Variants in LPP observed in about 807,000 individuals in gnomAD.
LPP encodes the protein lipoma-preferred partner.
In LPP, 38 loss-of-function variants were observed where a neutral mutation model predicts 60.4. That is an observed-to-expected ratio of 0.63 (90% confidence interval 0.49 to 0.83). The LOEUF (loss-of-function observed/expected upper bound fraction) is 0.83. Among genes scored for constraint, LPP ranks in the 40% least tolerant of loss-of-function variants. The probability of loss-of-function intolerance (pLI) is 0.00; values close to 1 mark genes in which losing one functional copy is unlikely to be tolerated. For missense variants in LPP, 902 were observed against 783.6 expected (o/e 1.15, Z -1.80); for synonymous variants, 328 against 290.8 (o/e 1.13, Z -1.30).
rs960933851 is a variant in LPP, at chr3:188,878,220, C to T, written c.*3741C>T. 1 of 216,802 alleles carries T rather than the reference C, an allele frequency of 4.6e-6. No homozygotes were observed. The highest frequency in any genetic ancestry group is 2.3e-5 in the African/African-American group (1 of 44,328). The allele number at this position is 216,802 out of a possible 1,614,324, so 13.4% of individuals were successfully genotyped here. On this transcript the variant is annotated 3_prime_UTR_variant, in exon 12 of 12. Coordinates refer to ENST00000617246, the MANE Select transcript of LPP (RefSeq NM_001375462.1). ...TCTATTGGATATGGTTTGGGCTTCT[C>T]TTGTCAAATCTGTGTCGGCTGCCCC...
At chr3:188,159,914 T>C (rs9850450) in intron 1 of LPP, among the ~76,000 whole-genome samples, 5 of 149,948 alleles carry the variant, frequency 3.3e-5, no homozygotes, top group African/African-American at 1.2e-4. Context: ...TGTTTGTTTG[T>C]TTGGTTTGTT....
intron 7 of LPP, among the ~76,000 whole-genome samples, chr3:188,658,150 A>AGTTTAGTTTAGTTTAGTTTAGTTTG (rs1240034595): frequency 5.3e-5 from 8 of 151,940 alleles, no homozygotes; most frequent in African/African-American, 1.9e-4. Flanking sequence ...AGTTTAGTTT[A>AGTTTAGTTTAGTTTAGTTTAGTTTG]GTTTAGTTTT....
intron 4 of LPP, among the ~76,000 whole-genome samples, chr3:188,469,867 C>T (rs1380197369): frequency 1.3e-5 from 2 of 152,066 alleles, no homozygotes; most frequent in African/African-American, 4.8e-5. Flanking sequence ...AATAATCTCA[C>T]AGTAAAAATA....
intron 10 of LPP, among the ~76,000 whole-genome samples, chr3:188,871,450 T>C (rs527966871): frequency 6.6e-6 from 1 of 152,358 alleles, no homozygotes; most frequent in East Asian, 1.9e-4. Context: ...TTTATTTAGA[T>C]TGCAGCCATA....
At chr3:188,157,310 A>G (rs1369302303) in intron 1 of LPP, among the ~76,000 whole-genome samples, 4 of 152,054 alleles carry the variant, frequency 2.6e-5, no homozygotes, top group African/African-American at 9.7e-5. Flanking sequence ...GATGTGTTCA[A>G]AATTACAACC....
At chr3:188,511,159 C>G (rs1392071405) in intron 5 of LPP, among the ~76,000 whole-genome samples, 2 of 130,074 alleles carry the variant, frequency 1.5e-5, no homozygotes, top group African/African-American at 5.9e-5. Flanking sequence ...CTGCCTCCCT[C>G]CCTCCCTCCT....
chr3:188,464,791 TTGAA>T (rs973860571), intron 4 of LPP, among the ~76,000 whole-genome samples: 1 of 151,984 alleles, frequency 6.6e-6, no homozygotes, highest in African/African-American at 2.4e-5. Flanking sequence ...CTGCAGGTGT[TTGAA>T]TGAATTGTTG....
chr3:188,721,874 A>G (rs1288668216), intron 8 of LPP, among the ~76,000 whole-genome samples: 6 of 152,134 alleles, frequency 3.9e-5, no homozygotes, highest in South Asian at 2.1e-4. Flanking sequence ...TTTCTCTTCC[A>G]TAGGTCTCAT....
intron 1 of LPP, among the ~76,000 whole-genome samples, chr3:188,177,215 C>T (rs771634200): frequency 1.5e-4 from 23 of 152,108 alleles, no homozygotes; most frequent in Admixed American, 3.9e-4. Flanking sequence ...GCGAGGGGAT[C>T]GCCTGCAATC....
intron 2 of LPP, among the ~76,000 whole-genome samples, chr3:188,276,641 T>G (rs563144523): frequency 3.4e-4 from 51 of 151,614 alleles, no homozygotes; most frequent in Admixed American, 7.9e-4. Flanking sequence ...CATTTAAAAG[T>G]GTGTGGCACC....
At chr3:188,456,419 G>A (rs1025776423) in intron 4 of LPP, among the ~76,000 whole-genome samples, 3 of 152,180 alleles carry the variant, frequency 2.0e-5, no homozygotes, top group East Asian at 1.9e-4. Flanking sequence ...CATAGAGAGC[G>A]ATAACGTTAT....
chr3:188,708,182 A>G, intron 7 of LPP, 85 bp from the exon 8 acceptor site: 1 of 1,494,990 alleles, frequency 6.7e-7, no homozygotes, highest in Non-Finnish European at 9.1e-7. Context: ...TTTCCTCTCC[A>G]GTGCAATCGC....
chr3:188,676,523 T>C (rs1001394346), intron 7 of LPP, among the ~76,000 whole-genome samples: 2 of 152,242 alleles, frequency 1.3e-5, no homozygotes, highest in African/African-American at 4.8e-5. Context: ...AACAGTTTTC[T>C]TCGTTCTTTG....
chr3:188,207,831 C>T (rs537052931), intron 1 of LPP, among the ~76,000 whole-genome samples: 2 of 152,118 alleles, frequency 1.3e-5, no homozygotes, highest in South Asian at 4.1e-4. Context: ...TAATTCCTAG[C>T]CCAAAAGTCT....
At chr3:188,778,340 A>G (rs1738488917) in intron 9 of LPP, among the ~76,000 whole-genome samples, 1 of 152,180 alleles carries the variant, frequency 6.6e-6, no homozygotes, top group Admixed American at 6.5e-5. Context: ...CAGCTCATTT[A>G]TATACAGTTC....
At chr3:188,680,019 A>G (rs1160505319) in intron 7 of LPP, among the ~76,000 whole-genome samples, 1 of 152,200 alleles carries the variant, frequency 6.6e-6, no homozygotes, top group Non-Finnish European at 1.5e-5. Flanking sequence ...CATTAGAATC[A>G]TTGGTGAATA....
At chr3:188,414,476 G>A (rs1169694243) in intron 4 of LPP, among the ~76,000 whole-genome samples, 1 of 152,098 alleles carries the variant, frequency 6.6e-6, no homozygotes, top group Non-Finnish European at 1.5e-5. Context: ...TACTTAGTCT[G>A]TAGTAATGAA....
At chr3:188,388,555 C>T (rs112860523) in intron 3 of LPP, among the ~76,000 whole-genome samples, 5 of 152,036 alleles carry the variant, frequency 3.3e-5, no homozygotes, top group East Asian at 1.9e-4. Context: ...GGCAACTGCA[C>T]GTGGAATTAA....
intron 8 of LPP, among the ~76,000 whole-genome samples, chr3:188,725,988 G>A (rs941178249): frequency 2.0e-5 from 3 of 152,134 alleles, no homozygotes; most frequent in Admixed American, 2.0e-4. Flanking sequence ...ATATTGGAAG[G>A]AGAAATGAGA....
Sources: gnomAD v4.1 joint callset for allele counts (sites outside exome capture counted in the v4.1 genomes callset) on GRCh38, gnomAD v4.1.1 for gene constraint, MANE v1.5 for transcripts, NCBI Gene and HGNC (gene_info 2026-07-23, HGNC 2026-07-21) for gene names.